VWC2L: variants seen among roughly 807,000 people sequenced by gnomAD.
The protein encoded by VWC2L is von Willebrand factor C domain-containing protein 2-like.
In VWC2L, 10 loss-of-function variants were observed where a neutral mutation model predicts 21.6. The ratio of observed to expected loss-of-function variants is 0.46; its 90% CI spans 0.29 to 0.78. VWC2L has a LOEUF of 0.78. Among genes scored for constraint, VWC2L ranks in the 30% least tolerant of loss-of-function variants. The pLI is 0.10. For missense variants in VWC2L, 209 were observed against 277.1 expected (o/e 0.75, Z 1.74); for synonymous variants, 96 against 94.3 (o/e 1.02, Z -0.10).
At chr2:214,425,409 C>T (rs1702507729) in intron 2 of VWC2L, among the ~76,000 whole-genome samples, 1 of 152,190 alleles carries the variant, frequency 6.6e-6, no homozygotes. Context: ...AATCCTATTT[C>T]TCTGCATTCC....
chr2:214,463,100 G>A (rs1703165400), intron 3 of VWC2L, among the ~76,000 whole-genome samples: 1 of 152,014 alleles, frequency 6.6e-6, no homozygotes, highest in African/African-American at 2.4e-5. Flanking sequence ...GCCATTCTCG[G>A]ATATAGTACT....
intron 3 of VWC2L, among the ~76,000 whole-genome samples, chr2:214,448,502 C>A (rs1325983285): frequency 6.6e-6 from 1 of 152,116 alleles, no homozygotes; most frequent in Non-Finnish European, 1.5e-5. Flanking sequence ...GATTAGCCTG[C>A]ACATATTAAC....
At chr2:214,570,126 G>A (rs565155696) in intron 3 of VWC2L, among the ~76,000 whole-genome samples, 29 of 152,076 alleles carry the variant, frequency 1.9e-4, no homozygotes, top group Non-Finnish European at 3.7e-4. Flanking sequence ...ACTGGAAGGT[G>A]CTTTATGGTC....
intron 2 of VWC2L, among the ~76,000 whole-genome samples, chr2:214,432,083 C>A (rs987979969): frequency 2.6e-5 from 4 of 152,126 alleles, no homozygotes; most frequent in African/African-American, 9.7e-5. Flanking sequence ...AAATAAAATA[C>A]AAACATCTCA....
At chr2:214,511,919 T>TACACACACAC (rs67983945) in intron 3 of VWC2L, among the ~76,000 whole-genome samples, 3 of 145,366 alleles carry the variant, frequency 2.1e-5, no homozygotes, top group African/African-American at 7.6e-5. Context: ...TATATACATA[T>TACACACACAC]ACACACACAC....
intron 3 of VWC2L, among the ~76,000 whole-genome samples, chr2:214,555,117 C>T (rs1689854878): frequency 6.6e-6 from 1 of 152,222 alleles, no homozygotes; most frequent in Non-Finnish European, 1.5e-5. Flanking sequence ...TAACTACAAA[C>T]ATTTCTTTCT....
At chr2:214,436,368 G>A (rs1702678919) in intron 2 of VWC2L, 1 of 336,284 alleles carries the variant, frequency 3.0e-6, no homozygotes, top group Non-Finnish European at 5.6e-6. Flanking sequence ...TATTTCTCTG[G>A]AAAGTAGGAA....
At chr2:214,521,154 G>A (rs973183904) in intron 3 of VWC2L, among the ~76,000 whole-genome samples, 4 of 151,934 alleles carry the variant, frequency 2.6e-5, no homozygotes, top group African/African-American at 9.7e-5. Flanking sequence ...GAACCTGGTA[G>A]GCGAAGCTTG....
At chr2:214,496,260 C>T (rs1688811445) in intron 3 of VWC2L, among the ~76,000 whole-genome samples, 3 of 96,908 alleles carry the variant, frequency 3.1e-5, no homozygotes, top group Admixed American at 1.1e-4. Context: ...GGACAACTCT[C>T]ATATAAGTAA....
intron 3 of VWC2L, among the ~76,000 whole-genome samples, chr2:214,443,212 C>T (rs1331215901): frequency 6.6e-6 from 1 of 151,896 alleles, no homozygotes. Context: ...AACCCTGTAG[C>T]TACAACAACA....
chr2:214,416,757 T>C (rs1702363371), intron 2 of VWC2L, among the ~76,000 whole-genome samples: 1 of 152,122 alleles, frequency 6.6e-6, no homozygotes, highest in African/African-American at 2.4e-5. Flanking sequence ...CATAGTGGTA[T>C]TGACCATAAA....
At chr2:214,536,549 A>C (rs1689532480) in intron 3 of VWC2L, among the ~76,000 whole-genome samples, 1 of 152,102 alleles carries the variant, frequency 6.6e-6, no homozygotes, top group Non-Finnish European at 1.5e-5. Flanking sequence ...GAAAAAAAGC[A>C]TAGAAATGAC....
At chr2:214,497,523 G>C (rs1010613904) in intron 3 of VWC2L, among the ~76,000 whole-genome samples, 2 of 152,124 alleles carry the variant, frequency 1.3e-5, no homozygotes, top group African/African-American at 4.8e-5. Flanking sequence ...GCTGCAGTAT[G>C]GAATTTTTCT....
intron 3 of VWC2L, among the ~76,000 whole-genome samples, chr2:214,553,660 T>C (rs1225192838): frequency 6.6e-6 from 1 of 152,158 alleles, no homozygotes; most frequent in East Asian, 1.9e-4. Flanking sequence ...TTTTATTCAG[T>C]CTTAATGTCT....
chr2:214,413,877 A>G (rs1049877628), intron 1 of VWC2L, among the ~76,000 whole-genome samples: 1 of 152,172 alleles, frequency 6.6e-6, no homozygotes, highest in African/African-American at 2.4e-5. Flanking sequence ...TTCAGAAGGA[A>G]AATTCAAGCT....
intron 2 of VWC2L, among the ~76,000 whole-genome samples, chr2:214,418,864 G>A (rs887195367): frequency 2.7e-4 from 41 of 152,196 alleles, no homozygotes; most frequent in Middle Eastern, 6.8e-3. Flanking sequence ...GCCTATTTTC[G>A]TCCTGCCTTT....
intron 3 of VWC2L, among the ~76,000 whole-genome samples, chr2:214,569,588 A>T (rs1187666143): frequency 6.6e-6 from 1 of 152,192 alleles, no homozygotes; most frequent in East Asian, 1.9e-4. Flanking sequence ...CTCGCAAGCC[A>T]ATATGAGGCA....
intron 3 of VWC2L, among the ~76,000 whole-genome samples, chr2:214,486,642 C>G (rs1688676334): frequency 6.6e-6 from 1 of 152,134 alleles, no homozygotes; most frequent in Non-Finnish European, 1.5e-5. Flanking sequence ...CTCTATATAT[C>G]TAAGAATGTT....
intron 3 of VWC2L, among the ~76,000 whole-genome samples, chr2:214,571,968 G>A (rs1016196245): frequency 1.3e-5 from 2 of 152,020 alleles, no homozygotes; most frequent in Admixed American, 1.3e-4. Flanking sequence ...TTTTGGTAGA[G>A]ACAAGGTCTC....
Sources: gnomAD v4.1 joint callset for allele counts (sites outside exome capture counted in the v4.1 genomes callset) on GRCh38, gnomAD v4.1.1 for gene constraint, MANE v1.5 for transcripts, NCBI Gene and HGNC (gene_info 2026-07-23, HGNC 2026-07-21) for gene names.